Variants in SHISA9 observed in about 807,000 individuals in gnomAD.
SHISA9 encodes the protein protein shisa-9.
A neutral mutation model predicts 38.0 loss-of-function variants in SHISA9; 13 were observed. That is an observed-to-expected ratio of 0.34 (90% CI 0.22 to 0.54). The LOEUF is 0.54. Among genes scored for constraint, SHISA9 ranks in the 20% least tolerant of loss-of-function variants. The pLI is 0.91. For missense variants in SHISA9, 538 were observed against 575.8 expected (o/e 0.93, Z 0.67); for synonymous variants, 275 against 242.0 (o/e 1.14, Z -1.27).
the SHISA9 span, among the ~76,000 whole-genome samples, chr16:13,485,296 G>A: frequency 6.6e-6 from 1 of 151,992 alleles, no homozygotes; most frequent in Non-Finnish European, 1.5e-5. Context: ...GCAGTGTTTG[G>A]TTTTCTGTTC....
Position 12,989,593 on chromosome 16 carries a change from T to C in SHISA9, c.691+72778T>C, listed in dbSNP as rs1357203211. 5.3e-5 allele frequency among the ~76,000 whole-genome samples: 8 copies of C among 152,154 alleles called. No individual in the cohort carries two copies. The South Asian group carries it at 1.5e-3, about 28-fold the overall frequency. On this transcript the variant is annotated intron_variant, in intron 2 of 4. Coordinates refer to ENST00000558583, the MANE Select transcript of SHISA9 (RefSeq NM_001145204.3). ...AGGTTTGGGACTGAGCCACCACTCC[T>C]GGCCCAGCCTGTTTTTTTCTAAGAA...
the SHISA9 span, among the ~76,000 whole-genome samples, chr16:13,353,810 G>T: frequency 1.3e-5 from 2 of 152,144 alleles, no homozygotes. Flanking sequence ...TCTACTTTTC[G>T]TGAAGACGGA....
chr16:13,548,161 A>G, the SHISA9 span, among the ~76,000 whole-genome samples: 2 of 152,186 alleles, frequency 1.3e-5, no homozygotes, highest in Non-Finnish European at 2.9e-5. Flanking sequence ...CTAAATATCC[A>G]CATGGAGAAT....
At chr16:13,232,437 T>G (rs1310986213) in intron 4 of SHISA9, among the ~76,000 whole-genome samples, 3 of 151,914 alleles carry the variant, frequency 2.0e-5, no homozygotes, top group African/African-American at 7.3e-5. Context: ...TAAAGTATAA[T>G]AAAAAAATTA....
intron 2 of SHISA9, among the ~76,000 whole-genome samples, chr16:13,056,230 A>G (rs969552976): frequency 2.0e-5 from 3 of 152,226 alleles, no homozygotes; most frequent in African/African-American, 7.2e-5. Flanking sequence ...GCATGCATGC[A>G]TGACACAGCA....
chr16:13,043,658 C>T (rs1189884997), intron 2 of SHISA9, among the ~76,000 whole-genome samples: 1 of 152,200 alleles, frequency 6.6e-6, no homozygotes, highest in African/African-American at 2.4e-5. Context: ...TCCTGATATC[C>T]TCAGAGCTGC....
the SHISA9 span, among the ~76,000 whole-genome samples, chr16:13,438,946 C>T: frequency 0.74 from 113,215 of 152,114 alleles, 42,339 homozygotes; most frequent in Admixed American, 0.82. Flanking sequence ...GCAAGGGAAA[C>T]GTAGGTCATT....
intron 2 of SHISA9, among the ~76,000 whole-genome samples, chr16:12,966,265 T>C (rs1243381209): frequency 2.0e-5 from 3 of 152,216 alleles, no homozygotes; most frequent in Admixed American, 6.5e-5. Flanking sequence ...TCTGCTTCCC[T>C]AATCCTACCC....
chr16:13,073,846 C>T (rs561847780), intron 2 of SHISA9, among the ~76,000 whole-genome samples: 10 of 152,044 alleles, frequency 6.6e-5, no homozygotes, highest in African/African-American at 9.7e-5. Context: ...AAAGCAGGAA[C>T]GAGGCATGGG....
At chr16:13,404,202 A>G in the SHISA9 span, among the ~76,000 whole-genome samples, 1 of 152,170 alleles carries the variant, frequency 6.6e-6, no homozygotes, top group Non-Finnish European at 1.5e-5. Context: ...GGGTATCTGT[A>G]TGTAGCCAGG....
the SHISA9 span, among the ~76,000 whole-genome samples, chr16:13,307,618 A>G: frequency 6.6e-6 from 1 of 152,228 alleles, no homozygotes; most frequent in Non-Finnish European, 1.5e-5. Flanking sequence ...GACTAATCAG[A>G]CAAAAGTTCT....
the SHISA9 span, among the ~76,000 whole-genome samples, chr16:13,358,950 G>A: frequency 1.3e-5 from 2 of 152,188 alleles, no homozygotes; most frequent in Non-Finnish European, 2.9e-5. Flanking sequence ...ACTGAACTTA[G>A]CAGATTACTG....
chr16:13,411,609 T>A, the SHISA9 span, among the ~76,000 whole-genome samples: 1 of 152,230 alleles, frequency 6.6e-6, no homozygotes, highest in Non-Finnish European at 1.5e-5. Context: ...GCCTGTTGTT[T>A]TCATTTTCAT....
the SHISA9 span, among the ~76,000 whole-genome samples, chr16:13,491,636 C>T: frequency 1.1e-4 from 17 of 151,192 alleles, no homozygotes; most frequent in South Asian, 2.1e-4. Context: ...TACAGGTGCA[C>T]GCCAGCAGGC....
chr16:12,931,491 A>C (rs1462755406), intron 2 of SHISA9, among the ~76,000 whole-genome samples: 1 of 152,060 alleles, frequency 6.6e-6, no homozygotes, highest in Non-Finnish European at 1.5e-5. Flanking sequence ...CTTTATGTCC[A>C]TGTCTACCCA....
At chr16:12,974,525 G>A (rs1389861357) in intron 2 of SHISA9, among the ~76,000 whole-genome samples, 2 of 115,562 alleles carry the variant, frequency 1.7e-5, no homozygotes, top group Admixed American at 2.5e-4. Context: ...TCGCTCTGTC[G>A]CCCAGGCTGG....
the SHISA9 span, among the ~76,000 whole-genome samples, chr16:13,256,692 AGG>A: frequency 6.6e-6 from 1 of 152,252 alleles, no homozygotes; most frequent in South Asian, 2.1e-4. Context: ...GTGTAAAGTC[AGG>A]CAATTGATAA....
chr16:13,167,278 A>T (rs892200877), intron 2 of SHISA9, among the ~76,000 whole-genome samples: 7 of 151,662 alleles, frequency 4.6e-5, no homozygotes, highest in Non-Finnish European at 1.0e-4. Flanking sequence ...CTCCATGTTG[A>T]TCAGGTTGGT....
At chr16:13,542,576 C>G in the SHISA9 span, among the ~76,000 whole-genome samples, 1 of 98,474 alleles carries the variant, frequency 1.0e-5, no homozygotes, top group Admixed American at 1.2e-4. Context: ...TTGTGGGACT[C>G]ACAAAGAATA....
Sources: allele counts gnomAD v4.1 joint callset (sites outside exome capture counted in the v4.1 genomes callset), GRCh38; gene constraint gnomAD v4.1.1; transcripts MANE v1.5; gene names NCBI Gene and HGNC (gene_info 2026-07-23, HGNC 2026-07-21).